Variants in GRIP1 observed in about 807,000 individuals in gnomAD.
GRIP1 encodes the protein glutamate receptor-interacting protein 1.
In GRIP1, 45 loss-of-function variants were observed where a neutral mutation model predicts 129.9. The ratio of observed to expected loss-of-function variants is 0.35; its 90% confidence interval spans 0.27 to 0.44. The LOEUF (loss-of-function observed/expected upper bound fraction) is 0.44, where lower values mean the gene tolerates loss of function less well. Ranked by LOEUF, GRIP1 falls within the 20% of genes least tolerant of loss-of-function variation. The pLI, the probability that GRIP1 is intolerant of heterozygous loss-of-function variation, is 1.00. For missense variants in GRIP1, 1,196 were observed against 1,396.8 expected, an observed-to-expected ratio of 0.86 and a Z score of 2.29; for synonymous variants, 530 against 520.8, an observed-to-expected ratio of 1.02 and a Z score of -0.24.
intron 1 of GRIP1, among the ~76,000 whole-genome samples, chr12:66,781,806 AC>A (rs1423490595): frequency 1.3e-5 from 2 of 152,108 alleles, no homozygotes; most frequent in East Asian, 3.9e-4. Context: ...ATAATCAGAA[AC>A]CTTCTTAGGT....
intron 1 of GRIP1, among the ~76,000 whole-genome samples, chr12:66,963,273 C>T (rs745679999): frequency 2.0e-5 from 3 of 151,962 alleles, no homozygotes; most frequent in Non-Finnish European, 2.9e-5. Flanking sequence ...CATGATTGCA[C>T]CACTGTACTC....
intron 1 of GRIP1, among the ~76,000 whole-genome samples, chr12:66,979,252 A>AAAAAAAAAAAAAAACAAC (rs772753895): frequency 6.3e-5 from 7 of 110,240 alleles, no homozygotes; most frequent in Non-Finnish European, 1.3e-4. Flanking sequence ...AAAAAAAAAA[A>AAAAAAAAAAAAAAACAAC]AACAAGCCCG....
intron 16 of GRIP1, among the ~76,000 whole-genome samples, chr12:66,402,437 AGTT>A (rs1270956266): frequency 3.9e-5 from 6 of 152,232 alleles, no homozygotes; most frequent in Non-Finnish European, 8.8e-5. Flanking sequence ...ATTTGGGAAT[AGTT>A]CTACCATCTC....
intron 1 of GRIP1, among the ~76,000 whole-genome samples, chr12:67,034,832 G>A (rs2135789851): frequency 6.6e-6 from 1 of 152,328 alleles, no homozygotes; most frequent in East Asian, 1.9e-4. Flanking sequence ...TGTTTATGCG[G>A]TCTGTCACTG....
chr12:66,575,815 C>T (rs17779342), intron 2 of GRIP1, among the ~76,000 whole-genome samples: 37,176 of 151,970 alleles, frequency 0.24, 4,679 homozygotes, highest in Admixed American at 0.28. Context: ...CAATGTTGTA[C>T]CTCCAGTGGC....
intron 1 of GRIP1, among the ~76,000 whole-genome samples, chr12:66,907,133 CT>C (rs1566073582): frequency 2.0e-5 from 3 of 152,144 alleles, no homozygotes. Flanking sequence ...CTTTTCTTGT[CT>C]TTCAAAACCT....
At chr12:66,474,715 A>C (rs1329903096) in intron 7 of GRIP1, among the ~76,000 whole-genome samples, 1 of 152,190 alleles carries the variant, frequency 6.6e-6, no homozygotes, top group Non-Finnish European at 1.5e-5. Flanking sequence ...AGAATTTCAT[A>C]TCCAGTCAAA....
intron 1 of GRIP1, among the ~76,000 whole-genome samples, chr12:66,742,044 T>C (rs1359505041): frequency 1.3e-5 from 2 of 152,188 alleles, no homozygotes; most frequent in Non-Finnish European, 2.9e-5. Flanking sequence ...ACTGTACCTT[T>C]TTCTTCTCTG....
At chr12:66,985,227 G>A (rs901978677) in intron 1 of GRIP1, among the ~76,000 whole-genome samples, 8 of 152,088 alleles carry the variant, frequency 5.3e-5, no homozygotes, top group African/African-American at 1.9e-4. Context: ...CAGTCACAAA[G>A]GCAGCCCAAG....
chr12:66,720,880 A>G (rs1252636842), intron 1 of GRIP1, among the ~76,000 whole-genome samples: 1 of 152,172 alleles, frequency 6.6e-6, no homozygotes, highest in Non-Finnish European at 1.5e-5. Context: ...GTTAATGTTG[A>G]TATTTTGACC....
chr12:66,562,744 C>T (rs760423692), intron 2 of GRIP1, among the ~76,000 whole-genome samples: 1 of 152,116 alleles, frequency 6.6e-6, no homozygotes, highest in Non-Finnish European at 1.5e-5. Context: ...ACCCCCGACC[C>T]CCTGCCGCAC....
rs551074843 is a variant in GRIP1, at chr12:66,614,202, C to T, written c.56-17275G>A. Reference sequence around the variant, plus strand: ...CTTGCTATCACATCTACTTCCATGCCTTTAAATGCTAAAAGCTCTCATGTT... The same window carrying T: ...CTTGCTATCACATCTACTTCCATGCTTTTAAATGCTAAAAGCTCTCATGTT... On this transcript the variant is annotated intron_variant, in intron 1 of 24. Coordinates refer to ENST00000359742, the MANE Select transcript of GRIP1 (RefSeq NM_001366722.1). Among the ~76,000 whole-genome samples the T allele has an allele frequency of 4.6e-5, 7 of 152,134 alleles. No individual in the cohort carries two copies. In the East Asian group the frequency reaches 1.4e-3, roughly 30 times the overall value.
intron 24 of GRIP1, 142 bp from the exon 25 acceptor site, chr12:66,349,388 G>T: frequency 2.8e-6 from 2 of 716,146 alleles, no homozygotes; most frequent in Non-Finnish European, 5.1e-6. Context: ...TTGTGACTAT[G>T]CTGTGACATG....
intron 1 of GRIP1, among the ~76,000 whole-genome samples, chr12:66,954,429 A>G (rs1169057703): frequency 6.6e-6 from 1 of 152,206 alleles, no homozygotes; most frequent in African/African-American, 2.4e-5. Flanking sequence ...CTAGATCCCT[A>G]GGAGAAAGAT....
chr12:66,709,311 G>A (rs888997837), intron 1 of GRIP1, among the ~76,000 whole-genome samples: 3 of 151,926 alleles, frequency 2.0e-5, no homozygotes, highest in East Asian at 3.9e-4. Context: ...CTTATGAAAA[G>A]GGAACACTCA....
chr12:66,614,741 C>T (rs2064965532), intron 1 of GRIP1, among the ~76,000 whole-genome samples: 1 of 152,120 alleles, frequency 6.6e-6, no homozygotes, highest in South Asian at 2.1e-4. Context: ...CGTCTGTAAT[C>T]CGACCCCAAC....
At chr12:66,938,959 GA>G (rs950930105) in intron 1 of GRIP1, among the ~76,000 whole-genome samples, 26 of 145,930 alleles carry the variant, frequency 1.8e-4, no homozygotes, top group Admixed American at 7.5e-4. Context: ...TGTCTCAAAA[GA>G]AAAAAAAAAG....
At chr12:66,735,241 A>G (rs2036556770) in intron 1 of GRIP1, among the ~76,000 whole-genome samples, 1 of 152,202 alleles carries the variant, frequency 6.6e-6, no homozygotes, top group Admixed American at 6.5e-5. Context: ...ACAGACTTCC[A>G]TGGTTCTATG....
intron 19 of GRIP1, among the ~76,000 whole-genome samples, chr12:66,385,611 A>T (rs950707058): frequency 8.6e-5 from 13 of 151,972 alleles, no homozygotes; most frequent in Non-Finnish European, 1.6e-4. Context: ...TTATTTATTT[A>T]TTTATTTATT....
Sources: allele counts gnomAD v4.1 joint callset (sites outside exome capture counted in the v4.1 genomes callset), GRCh38; gene constraint gnomAD v4.1.1; transcripts MANE v1.5; gene names NCBI Gene and HGNC (gene_info 2026-07-23, HGNC 2026-07-21).